KCNA6: variants seen among roughly 807,000 people sequenced by gnomAD.
KCNA6 encodes the protein human brain potassium channel-2.
In KCNA6, 17 loss-of-function variants were observed where a neutral mutation model predicts 29.5. The observed-to-expected ratio is 0.58, with a 90% CI of 0.39 to 0.86. KCNA6 has a LOEUF of 0.86. Ranked by LOEUF, KCNA6 falls within the 40% of genes least tolerant of loss-of-function variation. The pLI is 0.00. For missense variants in KCNA6, 450 were observed against 703.4 expected (o/e 0.64, Z 4.07); for synonymous variants, 296 against 304.7 (o/e 0.97, Z 0.30).
the KCNA6 span, among the ~76,000 whole-genome samples, chr12:4,825,435 A>G: frequency 6.6e-6 from 1 of 152,212 alleles, no homozygotes; most frequent in African/African-American, 2.4e-5. Flanking sequence ...AATTTTTACC[A>G]CAGAATCTCC....
chr12:4,846,468 C>T, the KCNA6 span, among the ~76,000 whole-genome samples: 2 of 151,752 alleles, frequency 1.3e-5, no homozygotes, highest in Non-Finnish European at 2.9e-5. Flanking sequence ...AATAGTATTC[C>T]TCCTCGAGCG....
In KCNA6 at chr12:4,810,182, C is replaced by T. The variant is rs763463354; in HGVS notation, c.141C>T (p.Ile47=). Residue 47 remains isoleucine (I), a synonymous_variant, in exon 1 of 1, where the codon ATC becomes ATT. Coordinates refer to ENST00000280684, the Ensembl canonical transcript of KCNA6. This position sits in a 1 kb window ranked among gnomAD's most constrained non-coding sequence, Gnocchi z 7.5. ...GTAGCGAGCGGCTGGTGATCAATAT[C>T]TCCGGGCTGCGCTTTGAGACACAAT... The T allele has an allele frequency of 1.2e-6, 2 of 1,612,526 alleles. No individual in the cohort carries two copies. The highest frequency in any genetic ancestry group is 1.7e-5 in the Admixed American group (1 of 59,996).
the KCNA6 span, among the ~76,000 whole-genome samples, chr12:4,837,159 A>G: frequency 5.9e-5 from 9 of 152,226 alleles, no homozygotes; most frequent in Non-Finnish European, 1.0e-4. Context: ...TGAAGCCTCC[A>G]TAAAAACTCC....
At chr12:4,832,584 A>G in the KCNA6 span, among the ~76,000 whole-genome samples, 1 of 152,184 alleles carries the variant, frequency 6.6e-6, no homozygotes, top group African/African-American at 2.4e-5. Flanking sequence ...GCAGGCCTGC[A>G]TTGAGACACT....
At chr12:4,823,118 G>T in the KCNA6 span, among the ~76,000 whole-genome samples, 4 of 152,134 alleles carry the variant, frequency 2.6e-5, no homozygotes, top group African/African-American at 9.7e-5. Context: ...ATGCTTGTAG[G>T]CCTCACTTGT....
At chr12:4,848,585 A>T in the KCNA6 span, among the ~76,000 whole-genome samples, 1 of 151,574 alleles carries the variant, frequency 6.6e-6, no homozygotes, top group Non-Finnish European at 1.5e-5. Flanking sequence ...CCCAGGCTGG[A>T]GTGCAATGGC....
the KCNA6 span, among the ~76,000 whole-genome samples, chr12:4,823,194 T>C: frequency 6.6e-6 from 1 of 152,158 alleles, no homozygotes; most frequent in African/African-American, 2.4e-5. Flanking sequence ...TATTTTCCTC[T>C]CAGAGGTGCT....
chr12:4,850,921 C>T, the KCNA6 span: 88 of 415,952 alleles, frequency 2.1e-4, 2 homozygotes, highest in South Asian at 1.3e-3. The surrounding 1 kb of genome is among the most constrained non-coding windows in gnomAD (Gnocchi z 5.4). Flanking sequence ...AGACCAGACC[C>T]GTTGTCCCTA....
At chr12:4,839,507 A>G in the KCNA6 span, 13 of 152,336 alleles carry the variant, frequency 8.5e-5, no homozygotes, top group African/African-American at 2.6e-4. Flanking sequence ...CTTCTAGTCG[A>G]CAGTAGGTTA....
At chr12:4,818,530 G>T in the KCNA6 span, among the ~76,000 whole-genome samples, 1 of 152,164 alleles carries the variant, frequency 6.6e-6, no homozygotes. Context: ...AATGTCAGCT[G>T]TTATTATCAT....
At chr12:4,818,702 C>A in the KCNA6 span, among the ~76,000 whole-genome samples, 1 of 152,032 alleles carries the variant, frequency 6.6e-6, no homozygotes, top group Non-Finnish European at 1.5e-5. Context: ...CAGTGAGGGT[C>A]TAACTGTTAT....
At chr12:4,838,820 C>G in the KCNA6 span, 3 of 152,162 alleles carry the variant, frequency 2.0e-5, no homozygotes, top group Non-Finnish European at 4.4e-5. Flanking sequence ...TGAGAAAGAG[C>G]TCCAGTGTCT....
the KCNA6 span, among the ~76,000 whole-genome samples, chr12:4,848,659 C>T: frequency 1.8e-4 from 28 of 152,096 alleles, no homozygotes; most frequent in South Asian, 5.2e-3. Flanking sequence ...TTCGGCCTGC[C>T]GAGTAGCTGG....
At chr12:4,845,214 T>G in the KCNA6 span, among the ~76,000 whole-genome samples, 1 of 152,182 alleles carries the variant, frequency 6.6e-6, no homozygotes, top group South Asian at 2.1e-4. Flanking sequence ...AACCCTTCAG[T>G]AGGGTAAGAA....
chr12:4,821,366 A>C, the KCNA6 span, among the ~76,000 whole-genome samples: 1 of 152,048 alleles, frequency 6.6e-6, no homozygotes, highest in Non-Finnish European at 1.5e-5. Flanking sequence ...ATACGTGTGC[A>C]CACGCAGGTG....
At chr12:4,815,516 G>T (rs575734793), downstream of KCNA6, among the ~76,000 whole-genome samples, 1 of 152,176 alleles carries the variant, frequency 6.6e-6, no homozygotes, top group Non-Finnish European at 1.5e-5. Flanking sequence ...GACCACCTCA[G>T]GTTCTCCAAG....
At chr12:4,850,325 G>A in the KCNA6 span, among the ~76,000 whole-genome samples, 1 of 152,146 alleles carries the variant, frequency 6.6e-6, no homozygotes, top group Non-Finnish European at 1.5e-5. This position sits in a 1 kb window ranked among gnomAD's most constrained non-coding sequence, Gnocchi z 5.4. Context: ...CATGTGGATG[G>A]TGGGAGGTGT....
At chr12:4,849,811 T>C in the KCNA6 span, among the ~76,000 whole-genome samples, 4 of 152,378 alleles carry the variant, frequency 2.6e-5, no homozygotes, top group Admixed American at 2.0e-4. Flanking sequence ...AAACCTTATT[T>C]ACCTTTTCCA....
Position 4,810,809 on chromosome 12 carries a change from C to A in KCNA6, c.768C>A (p.Gly256=). The A allele has an allele frequency of 6.3e-7, 1 of 1,591,174 alleles. No individual in the cohort carries two copies. The highest frequency in any genetic ancestry group is 1.2e-5 in the South Asian group (1 of 85,478). The change falls in exon 1 of 1, where the codon GGC becomes GGA. Residue 256 remains glycine (G), a synonymous_variant. Transcript: ENST00000280684. This position sits in a 1 kb window ranked among gnomAD's most constrained non-coding sequence, Gnocchi z 7.5. ...CCTCCTCACTCAGTACTCTTGGGGG[C>A]TCCTTCTTTACAGACCCCTTCTTTC...
Sources: gnomAD v4.1 joint callset for allele counts (sites outside exome capture counted in the v4.1 genomes callset) on GRCh38, gnomAD v4.1.1 for gene constraint, Gnocchi (gnomAD v3.1) non-coding constraint, MANE v1.5 for transcripts, NCBI Gene and HGNC (gene_info 2026-07-23, HGNC 2026-07-21) for gene names.